CATSPERB: variants seen among roughly 807,000 people sequenced by gnomAD.
The protein encoded by CATSPERB is cation channel sperm-associated auxiliary subunit beta.
In CATSPERB, 93 loss-of-function variants were observed where a neutral mutation model predicts 128.3. The observed-to-expected ratio is 0.72, with a 90% confidence interval of 0.61 to 0.86. CATSPERB has a LOEUF of 0.86. CATSPERB is among the 40% of genes least tolerant of loss of function. CATSPERB has a pLI of 0.00. For missense variants in CATSPERB, 1,153 were observed against 1,329.5 expected, an observed-to-expected ratio of 0.87 and a Z score of 2.06; for synonymous variants, 381 against 448.8, an observed-to-expected ratio of 0.85 and a Z score of 1.91.
intron 10 of CATSPERB, among the ~76,000 whole-genome samples, chr14:91,689,450 A>C (rs551827384): frequency 6.6e-6 from 1 of 152,320 alleles, no homozygotes; most frequent in African/African-American, 2.4e-5. Flanking sequence ...GGTAGGCTGA[A>C]GATGAAAGCT....
At chr14:91,620,892 G>C (rs1292154378) in intron 19 of CATSPERB, among the ~76,000 whole-genome samples, 1 of 152,136 alleles carries the variant, frequency 6.6e-6, no homozygotes, top group African/African-American at 2.4e-5. Context: ...AAGAGGATCT[G>C]CAGAGTTCAA....
At chr14:91,619,025 C>T (rs1284075487) in intron 19 of CATSPERB, among the ~76,000 whole-genome samples, 2 of 152,186 alleles carry the variant, frequency 1.3e-5, no homozygotes, top group Admixed American at 1.3e-4. Flanking sequence ...TTATTATTTA[C>T]TTCCATCAAA....
At chr14:91,714,756 C>T (rs894037571) in intron 5 of CATSPERB, among the ~76,000 whole-genome samples, 2 of 151,876 alleles carry the variant, frequency 1.3e-5, no homozygotes, top group Non-Finnish European at 2.9e-5. Context: ...GATGGGGTTT[C>T]GCCACGTTGG....
intron 5 of CATSPERB, among the ~76,000 whole-genome samples, chr14:91,712,114 A>G (rs1007328902): frequency 1.3e-5 from 2 of 152,236 alleles, no homozygotes; most frequent in African/African-American, 4.8e-5. Flanking sequence ...TGCAGTAGAA[A>G]AAAGAAATCT....
At chr14:91,618,956 C>A (rs534347403) in intron 19 of CATSPERB, among the ~76,000 whole-genome samples, 1 of 152,156 alleles carries the variant, frequency 6.6e-6, no homozygotes. Context: ...AGGGACCACA[C>A]CTTCAGTAGA....
In CATSPERB at chr14:91,594,394, G is replaced by A. The variant is rs561296351; in HGVS notation, c.2710-2392C>T. 3.3e-5 allele frequency among the ~76,000 whole-genome samples: 5 copies of A among 152,014 alleles called. No individual in the cohort carries two copies. The South Asian group carries it at 8.3e-4, about 25-fold the overall frequency. On this transcript the variant is annotated intron_variant, in intron 22 of 26. Coordinates refer to ENST00000256343, the MANE Select transcript of CATSPERB (RefSeq NM_024764.4). ...CTAATGCTAAATGACGAGTTAATGG[G>A]TGCAGCACACCAACATGGCACATGT...
At chr14:91,616,933 G>A (rs564482524) in intron 20 of CATSPERB, among the ~76,000 whole-genome samples, 533 of 151,744 alleles carry the variant, frequency 3.5e-3, no homozygotes, top group Non-Finnish European at 6.0e-3. Context: ...TAGTAGAGAC[G>A]GGGTTTCTCC....
At chr14:91,704,120 T>C (rs1335591686) in intron 7 of CATSPERB, among the ~76,000 whole-genome samples, 2 of 152,104 alleles carry the variant, frequency 1.3e-5, no homozygotes, top group African/African-American at 4.8e-5. Flanking sequence ...TGTTATGAAA[T>C]GGATATAGAG....
intron 5 of CATSPERB, among the ~76,000 whole-genome samples, chr14:91,712,016 A>G (rs1292002935): frequency 6.6e-6 from 1 of 152,222 alleles, no homozygotes; most frequent in Non-Finnish European, 1.5e-5. Flanking sequence ...AAATATTTTT[A>G]ATTGAAAGAA....
chr14:91,687,608 C>T (rs1256532352), intron 10 of CATSPERB, among the ~76,000 whole-genome samples: 1 of 152,154 alleles, frequency 6.6e-6, no homozygotes, highest in Non-Finnish European at 1.5e-5. Flanking sequence ...GCCACCCAGT[C>T]TATGGTAATT....
intron 11 of CATSPERB, among the ~76,000 whole-genome samples, chr14:91,680,755 C>T (rs1346349475): frequency 6.6e-6 from 1 of 151,942 alleles, no homozygotes; most frequent in African/African-American, 2.4e-5. Context: ...ATATCTTTAC[C>T]AAAAAAGAGG....
At chr14:91,722,373 C>T (rs1050628736) in intron 4 of CATSPERB, among the ~76,000 whole-genome samples, 4 of 152,134 alleles carry the variant, frequency 2.6e-5, no homozygotes, top group African/African-American at 9.7e-5. Flanking sequence ...CTAACTGAAA[C>T]ATATGCTAAC....
intron 23 of CATSPERB, among the ~76,000 whole-genome samples, chr14:91,590,895 C>T (rs971848201): frequency 5.9e-5 from 9 of 152,036 alleles, no homozygotes; most frequent in African/African-American, 2.2e-4. Context: ...TCATGATCCG[C>T]CCGCCTCGGC....
At chr14:91,725,508 A>G (rs924405092) in intron 2 of CATSPERB, among the ~76,000 whole-genome samples, 4 of 152,142 alleles carry the variant, frequency 2.6e-5, no homozygotes, top group Admixed American at 2.0e-4. Flanking sequence ...TGCAGAGAAA[A>G]TTTGTGTTTT....
chr14:91,719,627 T>C (rs1404026904), intron 4 of CATSPERB, 149 bp from the exon 5 acceptor site: 11 of 586,340 alleles, frequency 1.9e-5, no homozygotes, highest in Non-Finnish European at 3.0e-5. Flanking sequence ...GAATTTTTCC[T>C]ACATTATGCT....
intron 7 of CATSPERB, among the ~76,000 whole-genome samples, chr14:91,699,772 C>T (rs1895617379): frequency 6.6e-6 from 1 of 152,004 alleles, no homozygotes; most frequent in East Asian, 1.9e-4. Flanking sequence ...AGGATTTCAC[C>T]ATGTTGGCCA....
intron 10 of CATSPERB, among the ~76,000 whole-genome samples, chr14:91,684,659 G>A (rs1176028789): frequency 1.4e-5 from 2 of 147,242 alleles, no homozygotes; most frequent in Non-Finnish European, 3.0e-5. Flanking sequence ...CTGTTGCCCA[G>A]GCTGGAGTGC....
chr14:91,589,404 G>T, intron 24 of CATSPERB, 130 bp downstream of exon 24: 1 of 801,044 alleles, frequency 1.2e-6, no homozygotes, highest in Non-Finnish European at 1.9e-6. Flanking sequence ...TATGCCAACT[G>T]ATCCAAATCC....
At chr14:91,594,366 T>A (rs373266659) in intron 22 of CATSPERB, among the ~76,000 whole-genome samples, 36 of 151,942 alleles carry the variant, frequency 2.4e-4, no homozygotes, top group African/African-American at 2.2e-4. Flanking sequence ...TTAGGAGATA[T>A]ACCTAATGCT....
Sources: gnomAD v4.1 joint callset for allele counts (sites outside exome capture counted in the v4.1 genomes callset) on GRCh38, gnomAD v4.1.1 for gene constraint, MANE v1.5 for transcripts, NCBI Gene and HGNC (gene_info 2026-07-23, HGNC 2026-07-21) for gene names.